CFAP70: variants seen among roughly 807,000 people sequenced by gnomAD.
CFAP70 encodes cilia- and flagella-associated protein 70.
Under a neutral mutation model 137.6 loss-of-function variants are expected in CFAP70, and 81 were observed. The ratio of observed to expected loss-of-function variants is 0.59; its 90% CI spans 0.49 to 0.71. CFAP70 has a LOEUF of 0.71. CFAP70 is among the 30% of genes least tolerant of loss of function. CFAP70 has a pLI of 0.00. For synonymous variants in CFAP70, 382 were observed against 423.6 expected, an observed-to-expected ratio of 0.90 and a Z score of 1.20; for missense variants, 976 against 1,226.7, an observed-to-expected ratio of 0.80 and a Z score of 3.05.
intron 25 of CFAP70, among the ~76,000 whole-genome samples, chr10:73,262,018 A>G (rs2045281280): frequency 1.4e-5 from 2 of 144,042 alleles, no homozygotes; most frequent in Non-Finnish European, 3.0e-5. Flanking sequence ...GTATATATGT[A>G]TATATTATAT....
chr10:73,298,966 G>A lies in CFAP70; in HGVS notation c.1453C>T (p.Gln485Ter), dbSNP rs2048734709. The A allele has an allele frequency of 1.2e-6, 2 of 1,613,988 alleles. No individual in the cohort carries two copies. The highest frequency in any genetic ancestry group is 3.3e-5 in the Admixed American group (2 of 59,982). Residue 485 changes from glutamine to a stop codon, truncating the protein, a stop_gained, in exon 14 of 27, where the codon CAG becomes TAG. Coordinates refer to ENST00000310715, the Ensembl canonical transcript of CFAP70. LOFTEE classifies it high-confidence loss of function. ...GAGCAATTAAGTTCATAGCTGAGCTGGCACTTCTGCTCCTCCAAGGTTTCA... is the reference window on the plus strand; with the variant it reads ...GAGCAATTAAGTTCATAGCTGAGCTAGCACTTCTGCTCCTCCAAGGTTTCA...
chr10:73,357,855 G>A (rs919632252), intron 1 of CFAP70, among the ~76,000 whole-genome samples: 2 of 152,188 alleles, frequency 1.3e-5, no homozygotes, highest in African/African-American at 4.8e-5. Context: ...CCTAGTCCAT[G>A]AAGCTTCCCA....
At chr10:73,300,493 A>G (rs2048867780) in intron 12 of CFAP70, among the ~76,000 whole-genome samples, 1 of 152,168 alleles carries the variant, frequency 6.6e-6, no homozygotes, top group Non-Finnish European at 1.5e-5. Context: ...ACTGTATAGC[A>G]AAATATCTCC....
At chr10:73,270,528 TCCCCTCCCCTC>T (rs2046208697) in intron 24 of CFAP70, among the ~76,000 whole-genome samples, 1 of 32,098 alleles carries the variant, frequency 3.1e-5, no homozygotes, top group Admixed American at 5.3e-4. Context: ...CCCCTCCCCC[TCCCCTCCCCTC>T]CCCTTCCCTT....
chr10:73,351,069 G>GTGTA (rs1249589333), intron 3 of CFAP70, among the ~76,000 whole-genome samples: 1 of 50,558 alleles, frequency 2.0e-5, no homozygotes, highest in Non-Finnish European at 3.5e-5. Context: ...GTGTGTGTGT[G>GTGTA]TGTATATATA....
At position 73,311,917 on chromosome 10, in the gene CFAP70, G is replaced by A. The variant is rs2049952060; in HGVS notation, c.1084-3C>T. The A allele has an allele frequency of 6.2e-7, 1 of 1,611,344 alleles. No homozygotes were observed. The highest frequency in any genetic ancestry group is 1.7e-5 in the Admixed American group (1 of 59,974). ...TGAGATTTTATACTAGGTGCCTGCT[G>A]AAAGAAAATGAACACACCTCAAAAA... is the stretch of plus-strand genomic sequence containing the variant. On this transcript the variant is annotated splice_region_variant and splice_polypyrimidine_tract_variant and intron_variant, in intron 10 of 26. Transcript: ENST00000310715.
At chr10:73,283,967 G>C (rs1372032197) in intron 19 of CFAP70, among the ~76,000 whole-genome samples, 1 of 152,174 alleles carries the variant, frequency 6.6e-6, no homozygotes, top group African/African-American at 2.4e-5. Flanking sequence ...TAGACCATTT[G>C]CATTGAATGT....
Position 73,343,209 on chromosome 10 carries a change from CAAAA to C in CFAP70, c.400-1632_400-1629del, listed in dbSNP as rs60755900. The stretch of plus-strand genomic sequence containing the variant: ...TGGGTGACAGAGCGAGATTCCGTCT[CAAAA>C]AAAAAAAAAAAAAGAGAAAGAAAAA... On this transcript the variant is annotated intron_variant, in intron 5 of 26. Coordinates refer to ENST00000310715, the Ensembl canonical transcript of CFAP70. 6.9e-5 allele frequency among the ~76,000 whole-genome samples: 5 copies of C among 72,654 alleles called. No individual in the cohort carries two copies. In the South Asian group the frequency reaches 1.3e-3, roughly 18 times the overall value. 47.7% of individuals were successfully genotyped at this position (72,654 alleles called of 152,430 possible).
chr10:73,325,535 G>A (rs1033597791), intron 8 of CFAP70, among the ~76,000 whole-genome samples: 16 of 152,268 alleles, frequency 1.1e-4, no homozygotes, highest in Non-Finnish European at 1.9e-4. Context: ...AAAAGACACA[G>A]ACTGGCAAAT....
chr10:73,267,676 T>C (rs924622786), intron 25 of CFAP70, among the ~76,000 whole-genome samples: 2 of 152,238 alleles, frequency 1.3e-5, no homozygotes, highest in Admixed American at 1.3e-4. Flanking sequence ...TATCACATTT[T>C]CCATAGATCA....
chr10:73,255,702 G>A lies in CFAP70; in HGVS notation c.3075+667C>T, dbSNP rs554139857. Reference sequence around the variant, plus strand: ...TGGGACCACAGGTGCCCACCAAGACGCTCGGCTAATTTTTTTGTATTTTTA... The same window carrying A: ...TGGGACCACAGGTGCCCACCAAGACACTCGGCTAATTTTTTTGTATTTTTA... On this transcript the variant is annotated intron_variant, in intron 26 of 26. Transcript: ENST00000310715. Among the ~76,000 whole-genome samples the A allele has an allele frequency of 6.6e-5, 10 of 152,024 alleles. No homozygotes were observed. The South Asian group carries it at 1.7e-3, about 25-fold the overall frequency.
intron 19 of CFAP70, among the ~76,000 whole-genome samples, chr10:73,280,457 T>C (rs1427384850): frequency 6.6e-6 from 1 of 152,184 alleles, no homozygotes; most frequent in Non-Finnish European, 1.5e-5. Flanking sequence ...AGTTTGTAAG[T>C]GTTCTCTTTT....
chr10:73,259,769 G>C (rs1385137269), intron 25 of CFAP70, among the ~76,000 whole-genome samples: 2 of 152,156 alleles, frequency 1.3e-5, no homozygotes, highest in Non-Finnish European at 2.9e-5. Context: ...AGCAGTTCAT[G>C]CCTGTAATCC....
chr10:73,290,762 G>A (rs931443331), intron 19 of CFAP70, among the ~76,000 whole-genome samples: 1 of 151,618 alleles, frequency 6.6e-6, no homozygotes, highest in Non-Finnish European at 1.5e-5. Context: ...AAGTGAGGGG[G>A]GAAAAATGAA....
intron 7 of CFAP70, among the ~76,000 whole-genome samples, chr10:73,334,398 C>T (rs1050872334): frequency 6.6e-6 from 1 of 152,122 alleles, no homozygotes; most frequent in Non-Finnish European, 1.5e-5. Flanking sequence ...AATCCATAAC[C>T]ATTCTCCTCT....
chr10:73,255,123 G>T (rs565421679), intron 26 of CFAP70, among the ~76,000 whole-genome samples: 26 of 152,274 alleles, frequency 1.7e-4, no homozygotes, highest in Middle Eastern at 3.4e-3. Flanking sequence ...ATTTGGCCAG[G>T]CGTGGTGGCT....
chr10:73,350,907 C>G (rs1043348807), intron 3 of CFAP70, among the ~76,000 whole-genome samples: 1 of 151,038 alleles, frequency 6.6e-6, no homozygotes, highest in Non-Finnish European at 1.5e-5. Context: ...GCTACAAGTG[C>G]TCACCACCAT....
At chr10:73,269,865 G>A (rs2046097870) in intron 24 of CFAP70, 150 bp from the exon 26 acceptor site, 4 of 561,702 alleles carry the variant, frequency 7.1e-6, no homozygotes, top group African/African-American at 1.9e-5. Flanking sequence ...TTATGTGGTG[G>A]TTCAATATAT....
chr10:73,313,371 CAAA>C lies in CFAP70; in HGVS notation c.913-731_913-729del, dbSNP rs775077463. On this transcript the variant is annotated intron_variant, in intron 9 of 26. Transcript: ENST00000310715. Reference sequence around the variant, plus strand: ...TGGGCGATAGAGCGAGACTCTGTCTCAAAAAAAAAAAAAAAAAAAAAATCAGCG... The same window carrying C: ...TGGGCGATAGAGCGAGACTCTGTCTCAAAAAAAAAAAAAAAAAAATCAGCG... Among the ~76,000 whole-genome samples the C allele has an allele frequency of 1.8e-3, 105 of 59,154 alleles. 1 individual carries two copies. Among genetic ancestry groups the C allele is most frequent in the Middle Eastern group, 0.023 (2 of 86 alleles). 38.8% of individuals were successfully genotyped at this position (59,154 alleles called of 152,430 possible).
Sources: allele counts gnomAD v4.1 joint callset (sites outside exome capture counted in the v4.1 genomes callset), GRCh38; gene constraint gnomAD v4.1.1; transcripts MANE v1.5; gene names NCBI Gene and HGNC (gene_info 2026-07-23, HGNC 2026-07-21).